Variants in DARS1 observed in about 807,000 individuals in gnomAD.
DARS1 encodes the protein aspartyl-tRNA synthetase 1.
In DARS1, 51 loss-of-function variants were observed where a neutral mutation model predicts 68.8. That is an observed-to-expected ratio of 0.74 (90% CI 0.59 to 0.94). The LOEUF (loss-of-function observed/expected upper bound fraction) is 0.94, where lower values mean the gene tolerates loss of function less well. Among genes scored for constraint, DARS1 ranks in the 40% least tolerant of loss-of-function variants. DARS1 has a pLI of 0.00. For synonymous variants in DARS1, 203 were observed against 190.4 expected, an observed-to-expected ratio of 1.07 and a Z score of -0.55; for missense variants, 607 against 597.3, an observed-to-expected ratio of 1.02 and a Z score of -0.17.
intron 3 of DARS1, among the ~76,000 whole-genome samples, chr2:135,962,210 T>C (rs1388457111): frequency 6.6e-6 from 1 of 152,204 alleles, no homozygotes; most frequent in Non-Finnish European, 1.5e-5. Context: ...TTATTCCTTC[T>C]TCTTTGATAA....
intron 4 of DARS1, 140 bp from the exon 5 acceptor site, chr2:135,943,620 C>A: frequency 1.5e-6 from 2 of 1,327,224 alleles, no homozygotes; most frequent in Admixed American, 2.8e-5. Context: ...GTCTATTTAA[C>A]CTACTTAGAA....
rs74399174 is a variant in DARS1, at chr2:135,974,694, C to T, written c.217+4580G>A. 1.4e-4 allele frequency among the ~76,000 whole-genome samples: 21 copies of T among 152,266 alleles called. 1 individual carries two copies. In the South Asian group the frequency reaches 3.9e-3, roughly 29 times the overall value. On this transcript the variant is annotated intron_variant, in intron 3 of 15. Coordinates refer to ENST00000264161, the MANE Select transcript of DARS1 (RefSeq NM_001349.4). ...CTTCATTGTGTGAATCCCTGAAGTA[C>T]TAGAGAACCTACTAGTATTGCAAAG...
chr2:135,943,850 A>G (rs1681659992), intron 4 of DARS1, among the ~76,000 whole-genome samples: 1 of 152,218 alleles, frequency 6.6e-6, no homozygotes, highest in African/African-American at 2.4e-5. Flanking sequence ...AATGAGAAAT[A>G]CTGGCTTCAA....
chr2:135,981,618 T>C (rs1416281397), intron 2 of DARS1, among the ~76,000 whole-genome samples: 1 of 151,984 alleles, frequency 6.6e-6, no homozygotes, highest in Non-Finnish European at 1.5e-5. Flanking sequence ...ACTCAACCTG[T>C]ACTCAATTAC....
chr2:135,932,273 C>T, intron 7 of DARS1, among the ~76,000 whole-genome samples: 1 of 152,164 alleles, frequency 6.6e-6, no homozygotes, highest in East Asian at 1.9e-4. Context: ...AACTCTCTTT[C>T]ACTTGCAACC....
chr2:135,964,289 TTTTTCTGTA>T (rs1467363439), intron 3 of DARS1, among the ~76,000 whole-genome samples: 1 of 152,202 alleles, frequency 6.6e-6, no homozygotes, highest in African/African-American at 2.4e-5. Context: ...TGTCCCTGTA[TTTTTCTGTA>T]TTTTCTGAAC....
Position 135,907,332 on chromosome 2 carries a change from T to C in DARS1, c.1490A>G (p.Lys497Arg). The C allele has an allele frequency of 6.3e-7, 1 of 1,598,430 alleles. No homozygotes were observed. Among genetic ancestry groups the C allele is most frequent in the South Asian group, 1.1e-5 (1 of 90,738 alleles). Reference sequence around the variant, plus strand: ...AGTGTGAATTTAAGGAGTGAGTCGTTTGGGATCACGAGGGAACATGGAGGT... The same window carrying C: ...AGTGTGAATTTAAGGAGTGAGTCGTCTGGGATCACGAGGGAACATGGAGGT... ...RQTSMFPRDP[K>R]RLTP Residue 497 changes from lysine to arginine, a missense_variant, in exon 16 of 16, where the codon AAA becomes AGA. Physicochemically the swap from Lys to Arg is conservative, Grantham distance 26 (BLOSUM62 2). Coordinates refer to ENST00000264161, the MANE Select transcript of DARS1 (RefSeq NM_001349.4).
At chr2:135,960,765 A>G (rs1305643819) in intron 4 of DARS1, among the ~76,000 whole-genome samples, 1 of 152,192 alleles carries the variant, frequency 6.6e-6, no homozygotes, top group Non-Finnish European at 1.5e-5. Flanking sequence ...GAGCCACTGC[A>G]CACACAACCA....
At chr2:135,980,295 C>T (rs1682595274) in intron 2 of DARS1, 1 of 152,212 alleles carries the variant, frequency 6.6e-6, no homozygotes, top group Admixed American at 6.5e-5. Flanking sequence ...TTTTGCTACT[C>T]TTCTAAATGC....
chr2:135,912,323 C>T (rs1380239547), intron 13 of DARS1, among the ~76,000 whole-genome samples, 163 bp downstream of exon 13: 1 of 152,172 alleles, frequency 6.6e-6, no homozygotes, highest in Non-Finnish European at 1.5e-5. Context: ...TCAAATTTTA[C>T]AATATCATTT....
chr2:135,944,611 A>C (rs2104820299), intron 4 of DARS1, among the ~76,000 whole-genome samples: 1 of 152,210 alleles, frequency 6.6e-6, no homozygotes, highest in Non-Finnish European at 1.5e-5. Context: ...TATCTCTTGT[A>C]CTCTCGTAAG....
intron 1 of DARS1, among the ~76,000 whole-genome samples, chr2:135,983,841 T>C (rs1682697182): frequency 6.6e-6 from 1 of 152,228 alleles, no homozygotes; most frequent in Non-Finnish European, 1.5e-5. Context: ...CACAGTTTTA[T>C]TAACTTCCTA....
chr2:135,918,088 T>C (rs1249035624), intron 10 of DARS1, among the ~76,000 whole-genome samples: 1 of 152,006 alleles, frequency 6.6e-6, no homozygotes, highest in South Asian at 2.1e-4. Context: ...CCTGGCTAAT[T>C]TTTTGTACTT....
chr2:135,935,579 G>GACAC (rs1161748845), intron 5 of DARS1, among the ~76,000 whole-genome samples: 7 of 152,058 alleles, frequency 4.6e-5, no homozygotes, highest in African/African-American at 1.4e-4. Flanking sequence ...CAGCCTGGGT[G>GACAC]ACACAGCGAG....
intron 5 of DARS1, among the ~76,000 whole-genome samples, chr2:135,939,844 G>A (rs1175613197): frequency 6.6e-6 from 1 of 152,156 alleles, no homozygotes; most frequent in Non-Finnish European, 1.5e-5. Context: ...CGATCCCACA[G>A]AAATACAAAC....
At chr2:135,939,150 C>A (rs1358126632) in intron 5 of DARS1, among the ~76,000 whole-genome samples, 1 of 152,184 alleles carries the variant, frequency 6.6e-6, no homozygotes, top group African/African-American at 2.4e-5. Flanking sequence ...AGCTCTGCAC[C>A]AAGCGGACCT....
At chr2:135,948,907 C>T (rs944258229) in intron 4 of DARS1, among the ~76,000 whole-genome samples, 1 of 149,308 alleles carries the variant, frequency 6.7e-6, no homozygotes, top group Non-Finnish European at 1.5e-5. Context: ...ATGTAGCAAA[C>T]TGAAATTTTA....
At chr2:135,970,730 GAA>G (rs1344902732) in intron 3 of DARS1, among the ~76,000 whole-genome samples, 2 of 151,946 alleles carry the variant, frequency 1.3e-5, no homozygotes, top group Non-Finnish European at 2.9e-5. Context: ...GGAAAAAAGA[GAA>G]AAGACCTAAA....
intron 4 of DARS1, among the ~76,000 whole-genome samples, chr2:135,957,061 G>A (rs1325524030): frequency 1.3e-5 from 2 of 151,884 alleles, no homozygotes; most frequent in South Asian, 2.1e-4. Context: ...AACCGCGCCC[G>A]GCCTGTGATA....
Sources: gnomAD v4.1 joint callset for allele counts (sites outside exome capture counted in the v4.1 genomes callset) on GRCh38, gnomAD v4.1.1 for gene constraint, MANE v1.5 for transcripts, NCBI Gene and HGNC (gene_info 2026-07-23, HGNC 2026-07-21) for gene names.